The following CDH20 variants were observed in gnomAD, a reference collection of about 807,000 sequenced individuals.
CDH20 encodes cadherin 20.
Under a neutral mutation model 74.2 loss-of-function variants are expected in CDH20, and 29 were observed. That is an observed-to-expected ratio of 0.39 (90% CI 0.29 to 0.53). The LOEUF (loss-of-function observed/expected upper bound fraction) is 0.53, where lower values mean the gene tolerates loss of function less well. CDH20 is among the 20% of genes least tolerant of loss of function. The pLI is 0.69. For synonymous variants in CDH20, 469 were observed against 405.4 expected, an observed-to-expected ratio of 1.16 and a Z score of -1.88; for missense variants, 988 against 1,048.3, an observed-to-expected ratio of 0.94 and a Z score of 0.79.
chr18:61,360,188 A>G (rs1029555429), intron 1 of CDH20, among the ~76,000 whole-genome samples: 2 of 152,180 alleles, frequency 1.3e-5, no homozygotes, highest in Admixed American at 6.5e-5. Context: ...ACATTTAACA[A>G]GCTCTTCAGA....
intron 1 of CDH20, among the ~76,000 whole-genome samples, chr18:61,453,543 T>C (rs1363786208): frequency 1.3e-5 from 2 of 152,176 alleles, no homozygotes; most frequent in Non-Finnish European, 2.9e-5. Context: ...CCTCCCAAAG[T>C]GCTGAGATTA....
chr18:61,386,761 C>T (rs1272225867), intron 1 of CDH20, among the ~76,000 whole-genome samples: 3 of 151,952 alleles, frequency 2.0e-5, no homozygotes, highest in Admixed American at 1.3e-4. Context: ...TATTTACTTA[C>T]TTAAAAGTGA....
chr18:61,528,363 T>TC (rs1372019704), intron 7 of CDH20, 143 bp downstream of exon 7: 1 of 862,856 alleles, frequency 1.2e-6, no homozygotes, highest in African/African-American at 1.7e-5. Context: ...TGTGTTGTTT[T>TC]TTTTTTTTTC....
At chr18:61,457,679 A>G (rs1909620276) in intron 1 of CDH20, among the ~76,000 whole-genome samples, 1 of 152,176 alleles carries the variant, frequency 6.6e-6, no homozygotes. Flanking sequence ...GGATAAAATA[A>G]TATGTTTGGA....
intron 1 of CDH20, among the ~76,000 whole-genome samples, chr18:61,412,957 C>A (rs564827083): frequency 1.3e-5 from 2 of 152,130 alleles, no homozygotes; most frequent in South Asian, 4.2e-4. Flanking sequence ...TTGTATTTTC[C>A]AATTTCTTCA....
rs1482823565 is a variant in CDH20, at chr18:61,555,131, T to TTG, written c.*437_*438dup. 1 of 996,912 alleles carries TTG rather than the reference T, an allele frequency of 1.0e-6. No homozygotes were observed. Among genetic ancestry groups the TTG allele is most frequent in the East Asian group, 1.1e-4 (1 of 9,290 alleles). The allele number at this position is 996,912 out of a possible 1,614,324, so 61.8% of individuals were successfully genotyped here. A position where few individuals can be genotyped will look rare whatever the true frequency, so the allele number is the denominator to read the frequency against. On this transcript the variant is annotated 3_prime_UTR_variant, in exon 12 of 12. Coordinates refer to ENST00000262717, the MANE Select transcript of CDH20 (RefSeq NM_031891.4). ...TTATCTTATTCTCCATTTAAGAGTTTTGCTGGCTCAAACCACAGAAACCAA... is the reference window on the plus strand; with the variant it reads ...TTATCTTATTCTCCATTTAAGAGTTTTGTGCTGGCTCAAACCACAGAAACCAA...
intron 1 of CDH20, among the ~76,000 whole-genome samples, chr18:61,486,176 C>T (rs1910757404): frequency 6.6e-6 from 1 of 152,192 alleles, no homozygotes. Context: ...AAAACAACTT[C>T]TGGTCAGAGA....
In CDH20 at chr18:61,507,401, A is replaced by G. The variant is rs1490902093; in HGVS notation, c.858A>G (p.Ser286=). Reference sequence around the variant, plus strand: ...ATTACCAGATGAGTGTGTTGGAATCAGCTCCAATTAGCTCCACTGTCGGGA... The same window carrying G: ...ATTACCAGATGAGTGTGTTGGAATCGGCTCCAATTAGCTCCACTGTCGGGA... ...QKHYQMSVLE[S]APISSTVGRV... Residue 286 remains serine, a synonymous_variant, in exon 6 of 12, where the codon TCA becomes TCG. Transcript: ENST00000262717. 13 of 1,613,850 alleles carry G rather than the reference A, an allele frequency of 8.1e-6. No individual in the cohort carries two copies. Among genetic ancestry groups the G allele is most frequent in the African/African-American group, 2.7e-5 (2 of 74,944 alleles).
At chr18:61,544,639 C>T (rs1599160523) in intron 9 of CDH20, among the ~76,000 whole-genome samples, 1 of 152,272 alleles carries the variant, frequency 6.6e-6, no homozygotes, top group South Asian at 2.1e-4. Context: ...ATTCCACCAT[C>T]GCTAGTCTGC....
At chr18:61,395,930 G>A (rs1016607797) in intron 1 of CDH20, among the ~76,000 whole-genome samples, 34 of 152,126 alleles carry the variant, frequency 2.2e-4, no homozygotes, top group African/African-American at 8.0e-4. Flanking sequence ...CTACTTTTTC[G>A]ATAGTGTTAG....
chr18:61,420,926 C>A (rs1267394721), intron 1 of CDH20, among the ~76,000 whole-genome samples: 1 of 152,116 alleles, frequency 6.6e-6, no homozygotes, highest in Non-Finnish European at 1.5e-5. Flanking sequence ...TGTGGCGTGC[C>A]TGTAATCCCA....
At position 61,490,795 on chromosome 18, in the gene CDH20, G is replaced by T; in HGVS notation, c.242G>T (p.Gly81Val). The stretch of plus-strand genomic sequence containing the variant: ...ACTGGGACCGACCCTTTGTATGTCG[G>T]CAAGGTAAGAAATGCCAAGTAGAAA... ...EYTGTDPLYV[G>V]KLHSDMDRGD... is the part of the protein sequence containing the mutation. Residue 81 changes from glycine to valine, a missense_variant, in exon 2 of 12, where the codon GGC becomes GTC. Gly to Val is a moderately radical substitution (Grantham distance 109). Coordinates refer to ENST00000262717, the MANE Select transcript of CDH20 (RefSeq NM_031891.4). The T allele has an allele frequency of 1.2e-6, 2 of 1,613,894 alleles. No individual in the cohort carries two copies. The highest frequency in any genetic ancestry group is 1.7e-6 in the Non-Finnish European group (2 of 1,179,816).
rs150334505 is a variant in CDH20, at chr18:61,438,003, C to A, written c.-152-52399C>A. Among the ~76,000 whole-genome samples the A allele has an allele frequency of 1.5e-3, 231 of 152,224 alleles. 1 individual carries two copies. Among genetic ancestry groups the A allele is most frequent in the Middle Eastern group, 3.4e-3 (1 of 292 alleles). ...AAAAGAGAGGATTTGAGCAGTACAG[C>A]AAAATCCTGTGGATGATCAAGAATA... On this transcript the variant is annotated intron_variant, in intron 1 of 11. Coordinates refer to ENST00000262717, the MANE Select transcript of CDH20 (RefSeq NM_031891.4).
intron 6 of CDH20, among the ~76,000 whole-genome samples, chr18:61,525,258 A>G (rs1300446177): frequency 6.6e-6 from 1 of 152,222 alleles, no homozygotes; most frequent in African/African-American, 2.4e-5. Flanking sequence ...ATATAAATGT[A>G]TGTAAATATC....
intron 1 of CDH20, among the ~76,000 whole-genome samples, chr18:61,343,949 G>C (rs909706427): frequency 6.6e-6 from 1 of 152,064 alleles, no homozygotes. Flanking sequence ...CCAGCAGCCA[G>C]AGGGGAACGT....
intron 11 of CDH20, among the ~76,000 whole-genome samples, chr18:61,552,837 G>A (rs191697430): frequency 2.0e-5 from 3 of 152,216 alleles, no homozygotes; most frequent in Admixed American, 6.5e-5. Context: ...TGCTCACTTC[G>A]AATCTCACGT....
intron 1 of CDH20, among the ~76,000 whole-genome samples, chr18:61,352,461 T>C (rs1009165811): frequency 4.6e-5 from 7 of 152,310 alleles, no homozygotes; most frequent in African/African-American, 1.4e-4. Flanking sequence ...TGATAACTAT[T>C]TGTGGCTGGT....
In CDH20 at chr18:61,554,786, G is replaced by A; in HGVS notation, c.*91G>A. ...TGCAGCCAACCACACGAGCAATACT[G>A]TGCTGGAGAGTGAGAATGGGGGTGA... is the stretch of plus-strand genomic sequence containing the variant. On this transcript the variant is annotated 3_prime_UTR_variant, in exon 12 of 12. Coordinates refer to ENST00000262717, the MANE Select transcript of CDH20 (RefSeq NM_031891.4). 1 of 1,446,710 alleles carries A rather than the reference G, an allele frequency of 6.9e-7. No individual in the cohort carries two copies. Among genetic ancestry groups the A allele is most frequent in the Non-Finnish European group, 9.1e-7 (1 of 1,100,762 alleles). The allele number at this position is 1,446,710 out of a possible 1,614,324, so 89.6% of individuals were successfully genotyped here. A position where few individuals can be genotyped will look rare whatever the true frequency, so the allele number is the denominator to read the frequency against.
At chr18:61,511,018 A>C (rs1244899021) in intron 6 of CDH20, among the ~76,000 whole-genome samples, 1 of 130,564 alleles carries the variant, frequency 7.7e-6, no homozygotes, top group African/African-American at 2.9e-5. Flanking sequence ...ACAGAGTCTC[A>C]CTCTGTCACC....
Sources: allele counts gnomAD v4.1 joint callset (sites outside exome capture counted in the v4.1 genomes callset), GRCh38; gene constraint gnomAD v4.1.1; transcripts MANE v1.5; gene names NCBI Gene and HGNC (gene_info 2026-07-23, HGNC 2026-07-21).